PPP1R9A: variants seen among roughly 807,000 people sequenced by gnomAD.
PPP1R9A encodes neurabin-1.
PPP1R9A carries 59 observed loss-of-function variants against 141.9 expected under a neutral mutation model. That is an observed-to-expected ratio of 0.42 (90% confidence interval 0.34 to 0.52). The LOEUF is 0.52. Ranked by LOEUF, PPP1R9A falls within the 20% of genes least tolerant of loss-of-function variation. The probability of loss-of-function intolerance (pLI) is 0.10; values close to 1 mark genes in which losing one functional copy is unlikely to be tolerated. For synonymous variants in PPP1R9A, 500 were observed against 569.7 expected, an observed-to-expected ratio of 0.88 and a Z score of 1.74; for missense variants, 1,444 against 1,611.9, an observed-to-expected ratio of 0.90 and a Z score of 1.78.
intron 2 of PPP1R9A, among the ~76,000 whole-genome samples, chr7:95,000,369 C>T (rs914452242): frequency 2.6e-5 from 4 of 152,280 alleles, no homozygotes; most frequent in Admixed American, 2.6e-4. Flanking sequence ...TTTGCATGTA[C>T]ACTTCACATA....
Position 95,247,541 on chromosome 7 carries a change from A to T in PPP1R9A, c.2166+15A>T, listed in dbSNP as rs762439992. 3.1e-6 allele frequency: 5 copies of T among 1,591,140 alleles called. No homozygotes were observed. Among genetic ancestry groups the T allele is most frequent in the Non-Finnish European group, 3.4e-6 (4 of 1,162,440 alleles). On this transcript the variant is annotated intron_variant, in intron 9 of 19. Coordinates refer to ENST00000433360, the MANE Select transcript of PPP1R9A (RefSeq NM_001166160.2). ...TGAAGACCAAGGTAAGCACCGAAAC[A>T]TGGTGTTTGAATTTTACTTTTTAAA...
At chr7:94,978,294 A>G (rs944130806) in intron 2 of PPP1R9A, among the ~76,000 whole-genome samples, 1 of 152,212 alleles carries the variant, frequency 6.6e-6, no homozygotes, top group Non-Finnish European at 1.5e-5. Flanking sequence ...CAAAAAGCCA[A>G]ATTATGGCTA....
intron 2 of PPP1R9A, among the ~76,000 whole-genome samples, chr7:94,916,695 AATTTC>A (rs1359471928): frequency 6.6e-6 from 1 of 152,176 alleles, no homozygotes; most frequent in African/African-American, 2.4e-5. Flanking sequence ...TGGAATCAGA[AATTTC>A]ATTTCTTTCA....
At chr7:95,237,202 T>G (rs949860769) in intron 8 of PPP1R9A, among the ~76,000 whole-genome samples, 1 of 149,500 alleles carries the variant, frequency 6.7e-6, no homozygotes, top group African/African-American at 2.4e-5. Context: ...TATGGTTTTT[T>G]GTTTTTTTTT....
chr7:95,093,208 G>A (rs542162162), intron 2 of PPP1R9A, among the ~76,000 whole-genome samples: 1 of 152,112 alleles, frequency 6.6e-6, no homozygotes, highest in Non-Finnish European at 1.5e-5. Context: ...ATGCAAAACT[G>A]TAAAAGTGAC....
chr7:94,989,347 T>C (rs1801221736), intron 2 of PPP1R9A, among the ~76,000 whole-genome samples: 1 of 152,092 alleles, frequency 6.6e-6, no homozygotes, highest in African/African-American at 2.4e-5. Flanking sequence ...CACAAATTTA[T>C]GTGGAGTAAA....
chr7:94,908,593 A>C (rs1216864269), intron 1 of PPP1R9A: 1 of 151,790 alleles, frequency 6.6e-6, no homozygotes, highest in African/African-American at 2.4e-5. Context: ...GCTGCCTCTC[A>C]AGTTGGTGTT....
rs551061964 is a variant in PPP1R9A, at chr7:94,937,871, G to A, written c.1395+26363G>A. Among the ~76,000 whole-genome samples, 5 of 152,276 alleles carry A rather than the reference G, an allele frequency of 3.3e-5. No homozygotes were observed. The South Asian group carries it at 1.0e-3, about 32-fold the overall frequency. ...GTATTCTATATTAAGATAGGGCACT[G>A]GAAAGGCTAATGGAGGTCTTGAATG... On this transcript the variant is annotated intron_variant, in intron 2 of 19. Coordinates refer to ENST00000433360, the MANE Select transcript of PPP1R9A (RefSeq NM_001166160.2).
At chr7:95,083,339 C>T (rs1398732204) in intron 2 of PPP1R9A, among the ~76,000 whole-genome samples, 1 of 151,604 alleles carries the variant, frequency 6.6e-6, no homozygotes, top group Non-Finnish European at 1.5e-5. Flanking sequence ...ACATTCCTTG[C>T]CCCCGGTATA....
At chr7:95,134,394 T>G (rs1338866745) in intron 4 of PPP1R9A, among the ~76,000 whole-genome samples, 7 of 152,070 alleles carry the variant, frequency 4.6e-5, no homozygotes, top group Non-Finnish European at 7.4e-5. Context: ...TAGATGAAGG[T>G]TGATGGGTGC....
chr7:95,140,842 T>C (rs1365726196), intron 4 of PPP1R9A, among the ~76,000 whole-genome samples: 5 of 152,102 alleles, frequency 3.3e-5, no homozygotes, highest in African/African-American at 9.7e-5. Flanking sequence ...GCCTCCAGAG[T>C]AACTGGGACC....
intron 16 of PPP1R9A, among the ~76,000 whole-genome samples, chr7:95,279,239 A>G (rs1216079927): frequency 6.6e-6 from 1 of 152,198 alleles, no homozygotes; most frequent in Non-Finnish European, 1.5e-5. Flanking sequence ...GTTTGAAATT[A>G]TATCCTATGA....
At position 95,203,731 on chromosome 7, in the gene PPP1R9A, G is replaced by T. The variant is rs1790088454; in HGVS notation, c.1956+1G>T. Reference sequence around the variant, plus strand: ...TAACAATAACAACTATTTTCTTAAGGTTTGTTTTTTGGTTTAAAGTAATGC... The same window carrying T: ...TAACAATAACAACTATTTTCTTAAGTTTTGTTTTTTGGTTTAAAGTAATGC... On this transcript the variant is annotated splice_donor_variant, in intron 7 of 19. Transcript: ENST00000433360. LOFTEE classifies it high-confidence loss of function. The T allele has an allele frequency of 2.0e-6, 3 of 1,533,516 alleles. No homozygotes were observed. Among genetic ancestry groups the T allele is most frequent in the Non-Finnish European group, 1.7e-6 (2 of 1,144,540 alleles). 95.0% of individuals were successfully genotyped at this position (1,533,516 alleles called of 1,614,324 possible). A position where few individuals can be genotyped will look rare whatever the true frequency, so the allele number is the denominator to read the frequency against.
chr7:95,060,104 G>A (rs1812027374), intron 2 of PPP1R9A, among the ~76,000 whole-genome samples: 1 of 152,158 alleles, frequency 6.6e-6, no homozygotes, highest in Admixed American at 6.5e-5. Context: ...CACAGCAGAG[G>A]TTGTCTGACT....
chr7:95,183,649 A>G (rs1207985787), intron 5 of PPP1R9A, among the ~76,000 whole-genome samples: 4 of 151,332 alleles, frequency 2.6e-5, no homozygotes, highest in Admixed American at 6.6e-5. Flanking sequence ...GGGTTTCACC[A>G]TGTTGGCCAG....
intron 2 of PPP1R9A, among the ~76,000 whole-genome samples, chr7:94,987,677 A>G (rs2151394522): frequency 6.6e-6 from 1 of 152,290 alleles, no homozygotes; most frequent in Admixed American, 6.5e-5. Flanking sequence ...GTGGTATGGG[A>G]CATGTAAAAA....
At position 95,158,446 on chromosome 7, in the gene PPP1R9A, G is replaced by A. The variant is rs1477295121; in HGVS notation, c.1650-3421G>A. 1.4e-4 allele frequency among the ~76,000 whole-genome samples: 22 copies of A among 152,124 alleles called. 1 individual carries two copies. On this transcript the variant is annotated intron_variant, in intron 4 of 19. Coordinates refer to ENST00000433360, the MANE Select transcript of PPP1R9A (RefSeq NM_001166160.2). ...AAGGCAGGAGGATCACTTGAGACGA[G>A]GAGTTTGAGAGCAGCCTAGGCAACA...
chr7:95,158,852 C>T (rs1012367), intron 4 of PPP1R9A, among the ~76,000 whole-genome samples: 18,484 of 152,094 alleles, frequency 0.12, 1,252 homozygotes, highest in East Asian at 0.19. Context: ...AATGTTTACC[C>T]GCACTAGTAA....
chr7:95,287,044 T>C, intron 18 of PPP1R9A: 1 of 1,500,122 alleles, frequency 6.7e-7, no homozygotes, highest in Non-Finnish European at 9.3e-7. Flanking sequence ...TTATGTACTA[T>C]ATATGTTGTG....
Sources: gnomAD v4.1 joint callset for allele counts (sites outside exome capture counted in the v4.1 genomes callset) on GRCh38, gnomAD v4.1.1 for gene constraint, MANE v1.5 for transcripts, NCBI Gene and HGNC (gene_info 2026-07-23, HGNC 2026-07-21) for gene names.